The following ALPL variants were observed in gnomAD, a reference collection of about 807,000 sequenced individuals.
ALPL encodes alkaline phosphatase, biomineralization associated.
Under a neutral mutation model 51.3 loss-of-function variants are expected in ALPL, and 42 were observed. The ratio of observed to expected loss-of-function variants is 0.82; its 90% confidence interval spans 0.64 to 1.06. ALPL has a LOEUF of 1.06. Ranked by LOEUF, ALPL falls within the 50% of genes least tolerant of loss-of-function variation. The pLI, the probability that ALPL is intolerant of heterozygous loss-of-function variation, is 0.00. For missense variants in ALPL, 589 were observed against 709.4 expected (o/e 0.83, Z 1.93); for synonymous variants, 279 against 296.4 (o/e 0.94, Z 0.60).
At position 21,576,264 on chromosome 1, in the gene ALPL, TG is replaced by T. The variant is rs879731243; in HGVS notation, c.1190-256del. Among the ~76,000 whole-genome samples, 7,911 of 36,330 alleles carry T rather than the reference TG, an allele frequency of 0.22. 289 individuals are homozygous for T. Among genetic ancestry groups the T allele is most frequent in the Non-Finnish European group, 0.29 (5,350 of 18,546 alleles). The allele number at this position is 36,330 out of a possible 152,430, so 23.8% of individuals were successfully genotyped here. On this transcript the variant is annotated intron_variant, in intron 10 of 11. Coordinates refer to ENST00000374840, the MANE Select transcript of ALPL (RefSeq NM_000478.6). ...GATGGATGGATGGATGATGGATGGA[TG>T]GATGGGTGGATGGATGGATGGGTGG...
At position 21,509,715 on chromosome 1, in the gene ALPL, C is replaced by G. The variant is rs1643643841; in HGVS notation, c.-105+198C>G. ...CCCCTGTCCTCCCGCGCATCCCAAG[C>G]TCCCGGCGCGCGCTCTGGGCGGGAC... On this transcript the variant is annotated intron_variant, in intron 1 of 11. Coordinates refer to ENST00000374840, the MANE Select transcript of ALPL (RefSeq NM_000478.6). This position sits in a 1 kb window ranked among gnomAD's most constrained non-coding sequence, Gnocchi z 6.0. Among the ~76,000 whole-genome samples the G allele has an allele frequency of 6.6e-6, 1 of 152,188 alleles. No individual in the cohort carries two copies. Among genetic ancestry groups the G allele is most frequent in the Non-Finnish European group, 1.5e-5 (1 of 68,026 alleles).
chr1:21,523,891 A>T (rs541203557), intron 1 of ALPL, among the ~76,000 whole-genome samples: 1 of 151,668 alleles, frequency 6.6e-6, no homozygotes, highest in African/African-American at 2.4e-5. Context: ...TCTGGTCCAG[A>T]GATCCAGGCC....
intron 1 of ALPL, among the ~76,000 whole-genome samples, chr1:21,520,949 T>C (rs193114037): frequency 6.6e-6 from 1 of 152,350 alleles, no homozygotes; most frequent in East Asian, 1.9e-4. Flanking sequence ...CCAGTCTCTC[T>C]CATCGTTGCC....
intron 1 of ALPL, among the ~76,000 whole-genome samples, chr1:21,544,323 C>T (rs1161571230): frequency 6.6e-6 from 1 of 152,222 alleles, no homozygotes; most frequent in Non-Finnish European, 1.5e-5. Flanking sequence ...TGTGTGACAG[C>T]TCACCCAGTG....
intron 8 of ALPL, among the ~76,000 whole-genome samples, chr1:21,570,694 C>T (rs1644635509): frequency 6.6e-6 from 1 of 152,210 alleles, no homozygotes; most frequent in Non-Finnish European, 1.5e-5. Context: ...GGAACTGGGA[C>T]TTAACAGCTC....
intron 1 of ALPL, among the ~76,000 whole-genome samples, chr1:21,552,105 T>TCCCCCCCCCCCCCCCCCCCCCCCCCCCC (rs1558542001): frequency 4.4e-5 from 1 of 22,844 alleles, no homozygotes; most frequent in Non-Finnish European, 7.0e-5. Flanking sequence ...TCCCTTCCCT[T>TCCCCCCCCCCCCCCCCCCCCCCCCCCCC]TCCTCCCCTT....
intron 7 of ALPL, among the ~76,000 whole-genome samples, chr1:21,569,058 TG>T (rs1436605113): frequency 6.6e-6 from 1 of 151,936 alleles, no homozygotes; most frequent in Non-Finnish European, 1.5e-5. Context: ...GACTGGCCCC[TG>T]GGGAGGCCTC....
chr1:21,553,409 A>C (rs1644357938), intron 1 of ALPL, among the ~76,000 whole-genome samples: 1 of 152,176 alleles, frequency 6.6e-6, no homozygotes, highest in Non-Finnish European at 1.5e-5. Flanking sequence ...AAGAGAATGT[A>C]GCAAATGTAG....
upstream of ALPL, chr1:21,509,222 C>G (rs1358678246): frequency 5.3e-5 from 8 of 151,546 alleles, no homozygotes; most frequent in Non-Finnish European, 1.5e-5. This position sits in a 1 kb window ranked among gnomAD's most constrained non-coding sequence, Gnocchi z 6.0. Context: ...TCACCCCAGC[C>G]CGTTCCTAGC....
At chr1:21,567,847 C>T (rs545998743) in intron 6 of ALPL, among the ~76,000 whole-genome samples, 42 of 152,262 alleles carry the variant, frequency 2.8e-4, no homozygotes, top group African/African-American at 7.2e-4. Flanking sequence ...CTGTGGATTC[C>T]GGGAAGCCAA....
chr1:21,563,049 G>A lies in ALPL; in HGVS notation c.298-61G>A, dbSNP rs201326078. The A allele has an allele frequency of 7.6e-4, 1,219 of 1,596,580 alleles. 4 individuals are homozygous for A. Among genetic ancestry groups the A allele is most frequent in the Non-Finnish European group, 6.0e-4 (705 of 1,165,652 alleles). The stretch of plus-strand genomic sequence containing the variant: ...CAGTCCCCATGGTGTGAGTGTAGGC[G>A]GGGTGGGTGCCACTGGGGCGAAGGC... On this transcript the variant is annotated intron_variant, in intron 4 of 11. Coordinates refer to ENST00000374840, the MANE Select transcript of ALPL (RefSeq NM_000478.6).
intron 11 of ALPL, 126 bp from the exon 12 acceptor site, chr1:21,577,257 T>C (rs1644750032): frequency 2.7e-6 from 4 of 1,485,112 alleles, no homozygotes; most frequent in Non-Finnish European, 3.7e-6. Context: ...TTTCCCACAT[T>C]GAGCCTCCTT....
At chr1:21,566,533 C>T (rs753309699) in intron 6 of ALPL, among the ~76,000 whole-genome samples, 4 of 152,058 alleles carry the variant, frequency 2.6e-5, no homozygotes, top group Admixed American at 6.5e-5. Context: ...TCAGGTGATC[C>T]GCCCGTTTTG....
chr1:21,555,250 G>C (rs1215122092), intron 2 of ALPL, among the ~76,000 whole-genome samples: 3 of 152,166 alleles, frequency 2.0e-5, no homozygotes, highest in Admixed American at 2.0e-4. Context: ...TTAAGGCAAG[G>C]ACCGGCCATT....
At chr1:21,540,319 T>C (rs1253125922) in intron 1 of ALPL, among the ~76,000 whole-genome samples, 1 of 140,466 alleles carries the variant, frequency 7.1e-6, no homozygotes, top group Non-Finnish European at 1.6e-5. Context: ...GCCTCCCTGC[T>C]GCTTCTCTCC....
chr1:21,521,791 A>G (rs1368980030), intron 1 of ALPL, among the ~76,000 whole-genome samples: 1 of 152,152 alleles, frequency 6.6e-6, no homozygotes, highest in African/African-American at 2.4e-5. Context: ...GTCTTTGTCC[A>G]TTTTGTTCAC....
chr1:21,523,015 G>A (rs926211682), intron 1 of ALPL, among the ~76,000 whole-genome samples: 1 of 152,236 alleles, frequency 6.6e-6, no homozygotes, highest in Non-Finnish European at 1.5e-5. Context: ...GCTGGGCGCA[G>A]TGGCCCCTGC....
rs1558558939 is a variant in ALPL, at chr1:21,577,524, T to G, written c.1451T>G (p.Met484Arg). 1 of 1,607,780 alleles carries G rather than the reference T, an allele frequency of 6.2e-7. No individual in the cohort carries two copies. Among genetic ancestry groups the G allele is most frequent in the Non-Finnish European group, 8.5e-7 (1 of 1,179,900 alleles). The part of the protein sequence containing the change: ...VHEQNYVPHV[M>R]AYAACIGANL... The stretch of plus-strand genomic sequence containing the variant: ...GAGCAGAACTACGTCCCCCACGTGA[T>G]GGCGTATGCAGCCTGCATCGGGGCC... Residue 484 changes from methionine (M) to arginine (R), a missense_variant, in exon 12 of 12, where the codon ATG becomes AGG. Physicochemically the swap from Met to Arg is moderately conservative, Grantham distance 91. Transcript: ENST00000374840.
Position 21,545,579 on chromosome 1 carries a change from C to A in ALPL, c.-104-8399C>A, listed in dbSNP as rs183718658. Among the ~76,000 whole-genome samples the A allele has an allele frequency of 1.7e-3, 255 of 152,132 alleles. 3 individuals are homozygous for A. The highest frequency in any genetic ancestry group is 5.8e-3 in the African/African-American group (242 of 41,518). The stretch of plus-strand genomic sequence containing the variant: ...GTGCTGGGATTACAGGAGTGAGCCA[C>A]CATGCCCAGCCACCAATTACCAAGT... On this transcript the variant is annotated intron_variant, in intron 1 of 11. Coordinates refer to ENST00000374840, the MANE Select transcript of ALPL (RefSeq NM_000478.6).
Sources: allele counts gnomAD v4.1 joint callset (sites outside exome capture counted in the v4.1 genomes callset), GRCh38; gene constraint gnomAD v4.1.1; non-coding constraint Gnocchi (gnomAD v3.1); transcripts MANE v1.5; gene names NCBI Gene and HGNC (gene_info 2026-07-23, HGNC 2026-07-21).